Variants in ZRANB1 observed in about 807,000 individuals in gnomAD.
The protein encoded by ZRANB1 is ubiquitin thioesterase ZRANB1.
Under a neutral mutation model 80.5 loss-of-function variants are expected in ZRANB1, and 16 were observed. The ratio of observed to expected loss-of-function variants is 0.20; its 90% CI spans 0.13 to 0.30. The LOEUF is 0.30. ZRANB1 is among the 10% of genes least tolerant of loss of function. ZRANB1 has a pLI of 1.00. For synonymous variants in ZRANB1, 291 were observed against 293.1 expected (o/e 0.99, Z 0.07); for missense variants, 576 against 862.6 (o/e 0.67, Z 4.16).
At chr10:124,953,628 T>C (rs542240087) in intron 1 of ZRANB1, among the ~76,000 whole-genome samples, 4 of 152,358 alleles carry the variant, frequency 2.6e-5, no homozygotes, top group Admixed American at 2.6e-4. Flanking sequence ...CTGTAGTGTG[T>C]GTTCTGTTTG....
chr10:124,945,508 G>T (rs1419978846), intron 1 of ZRANB1: 2 of 142,316 alleles, frequency 1.4e-5, no homozygotes, highest in African/African-American at 5.4e-5. Context: ...AGATGAAAAT[G>T]AACTAGACTT....
At chr10:124,957,386 C>T (rs1445186885) in intron 1 of ZRANB1, among the ~76,000 whole-genome samples, 1 of 151,370 alleles carries the variant, frequency 6.6e-6, no homozygotes, top group Non-Finnish European at 1.5e-5. Flanking sequence ...CTTTTTTTTG[C>T]AATTTATTTT....
chr10:124,942,762 G>A lies in ZRANB1; in HGVS notation c.269G>A (p.Cys90Tyr). The part of the protein sequence containing the change: ...YSMENANKWS[C>Y]HMCTYLNWPR... Reference sequence around the variant, plus strand: ...ATGGAAAATGCAAATAAGTGGTCATGCCACATGTGTACATATTTGAACTGG... The same window carrying A: ...ATGGAAAATGCAAATAAGTGGTCATACCACATGTGTACATATTTGAACTGG... Residue 90 changes from cysteine to tyrosine, a missense_variant, in exon 1 of 9, where the codon TGC (cysteine) becomes TAC (tyrosine). Coordinates refer to ENST00000359653, the MANE Select transcript of ZRANB1 (RefSeq NM_017580.3). The A allele has an allele frequency of 1.2e-6, 2 of 1,614,186 alleles. No individual in the cohort carries two copies. The highest frequency in any genetic ancestry group is 1.7e-6 in the Non-Finnish European group (2 of 1,180,032).
upstream of ZRANB1, among the ~76,000 whole-genome samples, chr10:124,939,005 C>T (rs953511701): frequency 3.3e-5 from 5 of 151,928 alleles, no homozygotes; most frequent in African/African-American, 4.8e-5. Context: ...AGTGAAACTC[C>T]GTCTCTACTA....
chr10:124,952,894 G>C (rs1258505075), intron 1 of ZRANB1, among the ~76,000 whole-genome samples: 2 of 152,090 alleles, frequency 1.3e-5, no homozygotes, highest in East Asian at 1.9e-4. Flanking sequence ...ACAGGCGTGA[G>C]CCACCACGCC....
intron 5 of ZRANB1, among the ~76,000 whole-genome samples, chr10:124,978,596 A>G (rs1362616986): frequency 4.2e-5 from 6 of 144,128 alleles, no homozygotes; most frequent in Middle Eastern, 3.4e-3. Flanking sequence ...TTAATTGGGG[A>G]AAAAAATCAA....
At chr10:124,944,298 TTGTG>T (rs1441822849) in intron 1 of ZRANB1, among the ~76,000 whole-genome samples, 1 of 152,156 alleles carries the variant, frequency 6.6e-6, no homozygotes, top group East Asian at 1.9e-4. Context: ...AGTTTAAACT[TTGTG>T]TGGAACAATA....
the ZRANB1 span, among the ~76,000 whole-genome samples, chr10:124,917,446 T>G: frequency 1.3e-5 from 2 of 151,622 alleles, no homozygotes; most frequent in Non-Finnish European, 3.0e-5. Flanking sequence ...GCTTCCATCT[T>G]GGGCGCTCCG....
rs1055673749 is a variant in ZRANB1, at chr10:124,986,980, AT to A, written c.*1990del. ...TGAGCGCTCTATTATTTATTTATTT[AT>A]TATCAATCAGTGACCCTGACCACAT... On this transcript the variant is annotated 3_prime_UTR_variant, in exon 9 of 9. Coordinates refer to ENST00000359653, the MANE Select transcript of ZRANB1 (RefSeq NM_017580.3). 6.7e-6 allele frequency: 1 copy of A among 148,280 alleles called. No individual in the cohort carries two copies. The highest frequency in any genetic ancestry group is 1.5e-5 in the Non-Finnish European group (1 of 66,188). 9.2% of individuals were successfully genotyped at this position (148,280 alleles called of 1,614,324 possible).
chr10:124,985,360 T>TTA lies in ZRANB1; in HGVS notation c.*369_*370dup, dbSNP rs906790643. The stretch of plus-strand genomic sequence containing the variant: ...AGAAAATTTTTTCCAGCATGGGCAC[T>TTA]TAGAAAAAGCACATGGCAAATGGCT... On this transcript the variant is annotated 3_prime_UTR_variant, in exon 9 of 9. Coordinates refer to ENST00000359653, the MANE Select transcript of ZRANB1 (RefSeq NM_017580.3). The TTA allele has an allele frequency of 1.7e-5, 3 of 171,432 alleles. No individual in the cohort carries two copies. The highest frequency in any genetic ancestry group is 7.1e-5 in the African/African-American group (3 of 41,970). The allele number at this position is 171,432 out of a possible 1,614,324, so 10.6% of individuals were successfully genotyped here. A position where few individuals can be genotyped will look rare whatever the true frequency, so the allele number is the denominator to read the frequency against.
intron 3 of ZRANB1, 112 bp downstream of exon 3, chr10:124,972,230 G>A: frequency 1.0e-6 from 1 of 986,012 alleles, no homozygotes; most frequent in Non-Finnish European, 1.5e-6. Context: ...TACTGTATGT[G>A]CATCTTAAAT....
At chr10:124,981,395 T>G (rs1951931919) in intron 5 of ZRANB1, 1 of 184,172 alleles carries the variant, frequency 5.4e-6, no homozygotes, top group African/African-American at 2.4e-5. Flanking sequence ...CAGATGACTT[T>G]TTTTTTTTTT....
chr10:124,954,065 C>T (rs921904163), intron 1 of ZRANB1, among the ~76,000 whole-genome samples: 2 of 148,994 alleles, frequency 1.3e-5, no homozygotes, highest in Admixed American at 6.7e-5. Context: ...TGCCCAGGCT[C>T]AAGTGATTCT....
intron 1 of ZRANB1, among the ~76,000 whole-genome samples, chr10:124,956,385 C>G (rs1199524936): frequency 6.6e-6 from 1 of 152,160 alleles, no homozygotes; most frequent in Admixed American, 6.5e-5. Context: ...TAAAGAAATG[C>G]AATAGTTTCT....
At chr10:124,949,919 A>C (rs1589842211) in intron 1 of ZRANB1, among the ~76,000 whole-genome samples, 1 of 152,146 alleles carries the variant, frequency 6.6e-6, no homozygotes, top group East Asian at 1.9e-4. Context: ...GGTGACGTGA[A>C]GTGCACATGC....
chr10:124,976,712 C>T (rs1951879650), intron 5 of ZRANB1, among the ~76,000 whole-genome samples: 1 of 151,384 alleles, frequency 6.6e-6, no homozygotes, highest in African/African-American at 2.4e-5. Flanking sequence ...GCTGGGATTA[C>T]AGGTGGCGCC....
chr10:124,983,780 T>C lies in ZRANB1; in HGVS notation c.1908+92T>C, dbSNP rs930672347. On this transcript the variant is annotated intron_variant, in intron 8 of 8. Coordinates refer to ENST00000359653, the MANE Select transcript of ZRANB1 (RefSeq NM_017580.3). The surrounding 1 kb of genome is among the most constrained non-coding windows in gnomAD (Gnocchi z 6.2). The stretch of plus-strand genomic sequence containing the variant: ...TTCAGGTGTGGTTTTATCTGCACTA[T>C]CACTTAATTTCTGAATGTGATGGTA... 5 of 868,198 alleles carry C rather than the reference T, an allele frequency of 5.8e-6. No homozygotes were observed. The African/African-American group carries it at 6.8e-5, about 12-fold the overall frequency. 53.8% of individuals were successfully genotyped at this position (868,198 alleles called of 1,614,324 possible).
chr10:124,971,269 A>T (rs904197681), intron 2 of ZRANB1, among the ~76,000 whole-genome samples: 1 of 152,256 alleles, frequency 6.6e-6, no homozygotes, highest in African/African-American at 2.4e-5. Context: ...TTAGCATTTT[A>T]AAAAGAATAA....
At chr10:124,954,178 G>GTTTTT (rs1951669398) in intron 1 of ZRANB1, among the ~76,000 whole-genome samples, 2 of 126,336 alleles carry the variant, frequency 1.6e-5, no homozygotes, top group African/African-American at 5.9e-5. Flanking sequence ...TAGAGGCGGG[G>GTTTTT]TTTCACCATG....
Sources: allele counts gnomAD v4.1 joint callset (sites outside exome capture counted in the v4.1 genomes callset), GRCh38; gene constraint gnomAD v4.1.1; non-coding constraint Gnocchi (gnomAD v3.1); transcripts MANE v1.5; gene names NCBI Gene and HGNC (gene_info 2026-07-23, HGNC 2026-07-21).